CCDC93: variants seen among roughly 807,000 people sequenced by gnomAD.
The protein encoded by CCDC93 is coiled-coil domain-containing protein 93.
CCDC93 carries 61 observed loss-of-function variants against 108.2 expected under a neutral mutation model. The ratio of observed to expected loss-of-function variants is 0.56; its 90% confidence interval spans 0.46 to 0.70. The LOEUF (loss-of-function observed/expected upper bound fraction) is 0.70. Among genes scored for constraint, CCDC93 ranks in the 30% least tolerant of loss-of-function variants. The pLI, the probability that CCDC93 is intolerant of heterozygous loss-of-function variation, is 0.00. For synonymous variants in CCDC93, 276 were observed against 260.4 expected (o/e 1.06, Z -0.58); for missense variants, 685 against 764.2 (o/e 0.90, Z 1.22).
chr2:118,000,995 A>G, intron 3 of CCDC93, 63 bp from the exon 4 acceptor site: 1 of 967,984 alleles, frequency 1.0e-6, no homozygotes, highest in South Asian at 1.3e-5. Context: ...GGCATCTCTA[A>G]AGTCTGGGCA....
intron 1 of CCDC93, among the ~76,000 whole-genome samples, chr2:118,012,221 CCGAG>C (rs1677037690): frequency 6.6e-6 from 1 of 151,690 alleles, no homozygotes; most frequent in Non-Finnish European, 1.5e-5. Flanking sequence ...TTGCAATGAA[CCGAG>C]CTCACGCCAT....
intron 19 of CCDC93, 58 bp downstream of exon 19, chr2:117,941,131 A>G: frequency 8.1e-7 from 1 of 1,233,022 alleles, no homozygotes; most frequent in Non-Finnish European, 1.2e-6. Flanking sequence ...AAAGTGGAAC[A>G]GACCCCTCGC....
At chr2:118,006,606 T>C in intron 3 of CCDC93, 116 bp downstream of exon 3, 1 of 691,042 alleles carries the variant, frequency 1.4e-6, no homozygotes, top group Non-Finnish European at 2.6e-6. Context: ...TAATACCTCT[T>C]GTAATAAAAG....
chr2:117,991,226 G>C (rs1227323536), intron 6 of CCDC93, among the ~76,000 whole-genome samples: 1 of 152,142 alleles, frequency 6.6e-6, no homozygotes, highest in Non-Finnish European at 1.5e-5. Context: ...CTCCCACCTG[G>C]CATCCATTCT....
intron 11 of CCDC93, among the ~76,000 whole-genome samples, chr2:117,969,790 A>T (rs1217493405): frequency 6.6e-6 from 1 of 152,214 alleles, no homozygotes; most frequent in Non-Finnish European, 1.5e-5. Context: ...ACGCATACAT[A>T]GCTTTAACCT....
chr2:118,001,530 CCTCA>C (rs1676685685), intron 3 of CCDC93, among the ~76,000 whole-genome samples: 1 of 151,234 alleles, frequency 6.6e-6, no homozygotes, highest in Non-Finnish European at 1.5e-5. Context: ...AACTGTATAT[CCTCA>C]CTCTCATTTC....
intron 13 of CCDC93, chr2:117,949,953 T>A (rs1292430282): frequency 1.0e-6 from 1 of 985,306 alleles, no homozygotes. Context: ...GCATTAGGAA[T>A]AGCCACATAG....
At chr2:117,993,484 A>C (rs1472649456) in intron 6 of CCDC93, among the ~76,000 whole-genome samples, 1 of 151,864 alleles carries the variant, frequency 6.6e-6, no homozygotes, top group East Asian at 1.9e-4. Context: ...ACTGTTTTGA[A>C]TAGGTAATGC....
chr2:117,961,589 C>A (rs1679393138), intron 11 of CCDC93, among the ~76,000 whole-genome samples: 3 of 152,228 alleles, frequency 2.0e-5, no homozygotes, highest in Admixed American at 2.0e-4. Context: ...TTTTATTAAG[C>A]AATCTAAATT....
At chr2:117,943,967 G>T in intron 18 of CCDC93, 57 bp downstream of exon 18, 1 of 1,185,074 alleles carries the variant, frequency 8.4e-7, no homozygotes, top group Non-Finnish European at 1.2e-6. Context: ...TTATGTCATA[G>T]GACATTTATA....
intron 13 of CCDC93, among the ~76,000 whole-genome samples, 165 bp downstream of exon 13, chr2:117,952,208 G>A (rs1573482782): frequency 6.6e-6 from 1 of 151,430 alleles, no homozygotes; most frequent in Non-Finnish European, 1.5e-5. Context: ...CATGGGTCAC[G>A]CACTACCATG....
In CCDC93 at chr2:118,009,549, G is replaced by A. The variant is rs141192646; in HGVS notation, c.43-891C>T. Among the ~76,000 whole-genome samples, 381 of 152,280 alleles carry A rather than the reference G, an allele frequency of 2.5e-3. 2 individuals carry two copies. The highest frequency in any genetic ancestry group is 8.9e-3 in the African/African-American group (370 of 41,542). ...TAGCTGAGCATGGTGGTGCACACCT[G>A]TAACTCCAGCTACTTGGGAGGCTGA... On this transcript the variant is annotated intron_variant, in intron 1 of 23. Coordinates refer to ENST00000376300, the MANE Select transcript of CCDC93 (RefSeq NM_019044.5).
chr2:117,975,760 C>G (rs4848477), intron 8 of CCDC93, among the ~76,000 whole-genome samples: 2 of 152,212 alleles, frequency 1.3e-5, no homozygotes, highest in African/African-American at 2.4e-5. Flanking sequence ...ACTTTTGTTT[C>G]AGGGGTATTA....
chr2:117,982,755 TGG>T (rs10557674), intron 7 of CCDC93, among the ~76,000 whole-genome samples: 122,928 of 145,130 alleles, frequency 0.85, 51,807 homozygotes, highest in East Asian at 0.98. Context: ...CATAGTGTAG[TGG>T]GGGGGGGGGT....
At chr2:117,925,088 ACCAGGCCTGCCCT>A (rs1398050101) in intron 23 of CCDC93, among the ~76,000 whole-genome samples, 1 of 152,196 alleles carries the variant, frequency 6.6e-6, no homozygotes, top group Admixed American at 6.5e-5. Flanking sequence ...TTTTGTCACC[ACCAGGCCTGCCCT>A]AAAAGAGCTC....
In CCDC93 at chr2:117,958,376, G is replaced by A. The variant is rs755230211; in HGVS notation, c.994C>T (p.His332Tyr). 6.3e-7 allele frequency: 1 copy of A among 1,598,394 alleles called. No individual in the cohort carries two copies. The highest frequency in any genetic ancestry group is 8.6e-7 in the Non-Finnish European group (1 of 1,165,538). ...AAGAAAACACTGACCTCTTCAAGAT[G>A]TTTGGTCTTTTGCGCAATCTGTTTG... is the stretch of plus-strand genomic sequence containing the variant. ...LNKQIAQKTK[H>Y]LEELRASHTS... The change falls in exon 12 of 24, where the codon CAT becomes TAT. Residue 332 changes from histidine to tyrosine, a missense_variant. By Grantham distance (83) the His-to-Tyr change is moderately conservative. Transcript: ENST00000376300.
Position 118,000,951 on chromosome 2 carries a change from A to C in CCDC93, c.252-19T>G, listed in dbSNP as rs748503446. The C allele has an allele frequency of 6.7e-7, 1 of 1,486,204 alleles. No homozygotes were observed. Among genetic ancestry groups the C allele is most frequent in the Non-Finnish European group, 9.4e-7 (1 of 1,063,498 alleles). 92.1% of individuals were successfully genotyped at this position (1,486,204 alleles called of 1,614,324 possible). A position where few individuals can be genotyped will look rare whatever the true frequency, so the allele number is the denominator to read the frequency against. On this transcript the variant is annotated intron_variant, in intron 3 of 23. Transcript: ENST00000376300. ...CAGAGCTCTGTTCAGAAAAAGTAACAAGCAAAGAGTGAGGCATACTAAGTA... is the reference window on the plus strand; with the variant it reads ...CAGAGCTCTGTTCAGAAAAAGTAACCAGCAAAGAGTGAGGCATACTAAGTA...
chr2:117,959,476 T>C (rs894977898), intron 11 of CCDC93, among the ~76,000 whole-genome samples: 20 of 152,220 alleles, frequency 1.3e-4, no homozygotes, highest in African/African-American at 3.9e-4. Flanking sequence ...GTTTTAACAG[T>C]GTCCTAGGCT....
chr2:117,954,329 C>T (rs1679152796), intron 12 of CCDC93, among the ~76,000 whole-genome samples: 1 of 152,202 alleles, frequency 6.6e-6, no homozygotes, highest in Non-Finnish European at 1.5e-5. Context: ...CCAGGGGGTT[C>T]AGGAAACCTT....
Sources: gnomAD v4.1 joint callset for allele counts (sites outside exome capture counted in the v4.1 genomes callset) on GRCh38, gnomAD v4.1.1 for gene constraint, MANE v1.5 for transcripts, NCBI Gene and HGNC (gene_info 2026-07-23, HGNC 2026-07-21) for gene names.